Variants in CEMIP2 observed in about 807,000 individuals in gnomAD.
The protein encoded by CEMIP2 is cell migration inducing hyaluronidase 2, also known as cell surface hyaluronidase CEMIP2.
CEMIP2 carries 79 observed loss-of-function variants against 146.9 expected under a neutral mutation model. The observed-to-expected ratio is 0.54, with a 90% confidence interval of 0.45 to 0.65. CEMIP2 has a LOEUF of 0.65. Ranked by LOEUF, CEMIP2 falls within the 30% of genes least tolerant of loss-of-function variation. The pLI is 0.00. For missense variants in CEMIP2, 1,596 were observed against 1,696.2 expected, an observed-to-expected ratio of 0.94 and a Z score of 1.04; for synonymous variants, 601 against 606.3, an observed-to-expected ratio of 0.99 and a Z score of 0.13.
chr9:71,716,927 T>A (rs1315976861), intron 13 of CEMIP2, among the ~76,000 whole-genome samples: 1 of 152,152 alleles, frequency 6.6e-6, no homozygotes, highest in Non-Finnish European at 1.5e-5. Context: ...ATCCCAACAC[T>A]TTGGGAGGCT....
chr9:71,750,735 C>T (rs1201771287), intron 1 of CEMIP2, among the ~76,000 whole-genome samples: 1 of 151,954 alleles, frequency 6.6e-6, no homozygotes, highest in East Asian at 1.9e-4. Flanking sequence ...GTGTGAGCCA[C>T]CGCAACTCGC....
At chr9:71,719,286 A>G (rs1423385300) in intron 12 of CEMIP2, among the ~76,000 whole-genome samples, 8 of 152,214 alleles carry the variant, frequency 5.3e-5, no homozygotes, top group Admixed American at 5.2e-4. Flanking sequence ...AGAGGCAGCT[A>G]TCGAGAGAAA....
At position 71,732,502 on chromosome 9, in the gene CEMIP2, T is replaced by A. The variant is rs1470991368; in HGVS notation, c.1412A>T (p.His471Leu). ...VKVKETPQFL[H>L]MGEIIDGVDM... ...TACACCGTCTATGATCTCACCCATG[T>A]GCAGGAACTGAGGGGTTTCTGGTTG... is the stretch of plus-strand genomic sequence containing the variant. Residue 471 changes from histidine to leucine, a missense_variant, in exon 7 of 24, where the codon CAC (histidine) becomes CTC (leucine). Physicochemically the swap from His to Leu is moderately conservative, Grantham distance 99 (BLOSUM62 -3). Transcript: ENST00000377044. 6.2e-7 allele frequency: 1 copy of A among 1,603,980 alleles called. No individual in the cohort carries two copies. Among genetic ancestry groups the A allele is most frequent in the Admixed American group, 1.8e-5 (1 of 57,032 alleles).
intron 18 of CEMIP2, among the ~76,000 whole-genome samples, chr9:71,703,135 T>C (rs1464386494): frequency 2.6e-5 from 4 of 152,164 alleles, no homozygotes; most frequent in African/African-American, 9.7e-5. Context: ...TGGGGACTGC[T>C]CCACGGAGCC....
At chr9:71,689,628 T>C (rs1049453669) in intron 22 of CEMIP2, among the ~76,000 whole-genome samples, 1 of 152,200 alleles carries the variant, frequency 6.6e-6, no homozygotes, top group Non-Finnish European at 1.5e-5. Context: ...AGTGCAATGC[T>C]GTCCAAGACC....
intron 17 of CEMIP2, among the ~76,000 whole-genome samples, chr9:71,705,998 G>A (rs1822723264): frequency 6.6e-6 from 1 of 152,084 alleles, no homozygotes; most frequent in African/African-American, 2.4e-5. Context: ...GGAGGCCGAG[G>A]CAGGCAGATC....
At chr9:71,725,472 T>A in intron 11 of CEMIP2, 109 bp downstream of exon 11, 1 of 1,184,858 alleles carries the variant, frequency 8.4e-7, no homozygotes, top group Non-Finnish European at 1.2e-6. Flanking sequence ...AGTTAACTAG[T>A]CTGTGATATT....
chr9:71,722,653 GT>G (rs1287986172), intron 11 of CEMIP2, 138 bp from the exon 12 acceptor site: 3 of 371,014 alleles, frequency 8.1e-6, no homozygotes, highest in Admixed American at 6.3e-5. Context: ...CAAAGGTACT[GT>G]AAAAAAAAAA....
chr9:71,707,915 G>A (rs1203462791), intron 17 of CEMIP2, among the ~76,000 whole-genome samples: 2 of 152,134 alleles, frequency 1.3e-5, no homozygotes, highest in East Asian at 1.9e-4. Context: ...GGCCGGGCGC[G>A]GTGGCTCACG....
At chr9:71,752,826 G>T (rs1824302618) in intron 1 of CEMIP2, among the ~76,000 whole-genome samples, 2 of 152,030 alleles carry the variant, frequency 1.3e-5, no homozygotes, top group Non-Finnish European at 2.9e-5. Context: ...AATTAATGGG[G>T]GCAGAAAGAG....
chr9:71,734,709 G>A, intron 6 of CEMIP2, 97 bp downstream of exon 6: 1 of 1,048,810 alleles, frequency 9.5e-7, no homozygotes, highest in South Asian at 1.8e-5. Context: ...TGGTGGTGGT[G>A]GTAGTGATGG....
chr9:71,704,977 T>C, intron 17 of CEMIP2, 174 bp from the exon 18 acceptor site: 1 of 608,942 alleles, frequency 1.6e-6, no homozygotes. Flanking sequence ...TGCAGCCTAC[T>C]TAAACTAGAA....
At chr9:71,716,351 G>GAA (rs5898225) in intron 14 of CEMIP2, among the ~76,000 whole-genome samples, 166 bp downstream of exon 14, 1 of 148,344 alleles carries the variant, frequency 6.7e-6, no homozygotes. Context: ...AATTAATCCA[G>GAA]AAAAAAAAAA....
chr9:71,704,495 TGGCTTTCTTTGCTTGCTGCAAA>T, intron 18 of CEMIP2, 78 bp downstream of exon 18: 9 of 1,259,994 alleles, frequency 7.1e-6, no homozygotes, highest in Non-Finnish European at 1.0e-5. Flanking sequence ...TATGTAAAAT[TGGCTTTCTTTGCTTGCTGCAAA>T]GGAGACATAA....
intron 12 of CEMIP2, among the ~76,000 whole-genome samples, chr9:71,719,320 G>C (rs1589143345): frequency 6.6e-6 from 1 of 152,266 alleles, no homozygotes; most frequent in South Asian, 2.1e-4. Context: ...ATGTCCTTAG[G>C]CATGAGTGAG....
chr9:71,706,953 C>T (rs910555518), intron 17 of CEMIP2, among the ~76,000 whole-genome samples: 1 of 152,036 alleles, frequency 6.6e-6, no homozygotes, highest in Non-Finnish European at 1.5e-5. Flanking sequence ...TCAGTCCCCT[C>T]GAGTAGCTGG....
intron 21 of CEMIP2, 80 bp from the exon 22 acceptor site, chr9:71,690,326 C>A: frequency 6.7e-7 from 1 of 1,503,098 alleles, no homozygotes; most frequent in East Asian, 2.4e-5. Flanking sequence ...CGGCCCTTTC[C>A]CTGTGTCTTC....
intron 1 of CEMIP2, among the ~76,000 whole-genome samples, chr9:71,764,385 C>A (rs957738667): frequency 6.6e-6 from 1 of 150,748 alleles, no homozygotes; most frequent in Non-Finnish European, 1.5e-5. Flanking sequence ...GCTAACAAAG[C>A]CAAACAGGAA....
chr9:71,707,228 T>A (rs917421269), intron 17 of CEMIP2, among the ~76,000 whole-genome samples: 3 of 152,204 alleles, frequency 2.0e-5, no homozygotes, highest in Non-Finnish European at 4.4e-5. Flanking sequence ...TGATTAAGAA[T>A]AAGATAAATG....
Sources: gnomAD v4.1 joint callset for allele counts (sites outside exome capture counted in the v4.1 genomes callset) on GRCh38, gnomAD v4.1.1 for gene constraint, MANE v1.5 for transcripts, NCBI Gene and HGNC (gene_info 2026-07-23, HGNC 2026-07-21) for gene names.